MYO1D: variants seen among roughly 807,000 people sequenced by gnomAD.
The protein encoded by MYO1D is unconventional myosin-Id.
Under a neutral mutation model 122.0 loss-of-function variants are expected in MYO1D, and 83 were observed. The observed-to-expected ratio is 0.68, with a 90% CI of 0.57 to 0.82. The LOEUF (loss-of-function observed/expected upper bound fraction) is 0.82, where lower values mean the gene tolerates loss of function less well. Ranked by LOEUF, MYO1D falls within the 40% of genes least tolerant of loss-of-function variation. MYO1D has a pLI of 0.00. For missense variants in MYO1D, 1,157 were observed against 1,269.5 expected (o/e 0.91, Z 1.35); for synonymous variants, 464 against 446.9 (o/e 1.04, Z -0.48).
At chr17:32,822,546 CGGCT>C (rs2090679021) in intron 1 of MYO1D, among the ~76,000 whole-genome samples, 1 of 146,328 alleles carries the variant, frequency 6.8e-6, no homozygotes, top group Non-Finnish European at 1.5e-5. Context: ...ACTGCCGGGG[CGGCT>C]CGGGACGGGG....
At chr17:32,851,906 C>A (rs145266345) in intron 1 of MYO1D, among the ~76,000 whole-genome samples, 1 of 152,326 alleles carries the variant, frequency 6.6e-6, no homozygotes. Context: ...AACAGACCAC[C>A]GTACCGGTCA....
At chr17:32,829,815 T>C (rs1409231756) in intron 1 of MYO1D, among the ~76,000 whole-genome samples, 1 of 152,164 alleles carries the variant, frequency 6.6e-6, no homozygotes, top group South Asian at 2.1e-4. Context: ...GTACATGCCT[T>C]GTGGGATTTT....
chr17:32,760,173 G>T (rs2089984790), intron 10 of MYO1D, 117 bp downstream of exon 10: 1 of 901,678 alleles, frequency 1.1e-6, no homozygotes, highest in Non-Finnish European at 1.8e-6. Flanking sequence ...AAAAAGGAAA[G>T]CTAAGGTTCA....
intron 14 of MYO1D, among the ~76,000 whole-genome samples, chr17:32,737,362 C>CTT (rs59432486): frequency 1.4e-5 from 2 of 142,128 alleles, no homozygotes; most frequent in African/African-American, 2.6e-5. Flanking sequence ...AATAATACAA[C>CTT]TTTTTTTTTT....
At chr17:32,571,128 T>C (rs2087222895) in intron 21 of MYO1D, among the ~76,000 whole-genome samples, 1 of 152,092 alleles carries the variant, frequency 6.6e-6, no homozygotes, top group Admixed American at 6.6e-5. Context: ...AGGGTGTTTC[T>C]ACCACTGGTG....
At chr17:32,594,231 T>C (rs2087467617) in intron 21 of MYO1D, 1 of 236,738 alleles carries the variant, frequency 4.2e-6, no homozygotes, top group Admixed American at 5.6e-5. Flanking sequence ...TTTTATTGAA[T>C]ATAAGATGCC....
intron 1 of MYO1D, among the ~76,000 whole-genome samples, chr17:32,822,401 C>T (rs2090674804): frequency 6.6e-6 from 1 of 151,308 alleles, no homozygotes; most frequent in Non-Finnish European, 1.5e-5. Flanking sequence ...GGAGGGATAA[C>T]GCGTCCAGCG....
chr17:32,527,119 A>C (rs533369002), intron 21 of MYO1D, among the ~76,000 whole-genome samples: 1 of 152,264 alleles, frequency 6.6e-6, no homozygotes, highest in South Asian at 2.1e-4. Flanking sequence ...GCCCGCCATC[A>C]CCAGTGAAGG....
intron 21 of MYO1D, among the ~76,000 whole-genome samples, chr17:32,603,211 G>A (rs1285151843): frequency 6.6e-6 from 1 of 152,108 alleles, no homozygotes; most frequent in East Asian, 1.9e-4. Context: ...GCATGCATAT[G>A]CTAGCTAGGA....
At chr17:32,839,203 T>C (rs988201698) in intron 1 of MYO1D, among the ~76,000 whole-genome samples, 3 of 152,144 alleles carry the variant, frequency 2.0e-5, no homozygotes, top group Admixed American at 6.5e-5. Context: ...GCCAAGAAGG[T>C]AGACTAAGCT....
intron 16 of MYO1D, among the ~76,000 whole-genome samples, chr17:32,678,859 C>G (rs1235998812): frequency 2.3e-4 from 34 of 150,972 alleles, no homozygotes; most frequent in African/African-American, 7.4e-4. Flanking sequence ...GGTTGAACTA[C>G]TTTACAGTCC....
chr17:32,839,075 G>GT (rs1289590065), intron 1 of MYO1D, among the ~76,000 whole-genome samples: 1 of 152,076 alleles, frequency 6.6e-6, no homozygotes, highest in Non-Finnish European at 1.5e-5. Flanking sequence ...AACATAAGTT[G>GT]TTAGCAAAAC....
chr17:32,590,249 TC>T (rs1020057669), intron 21 of MYO1D, among the ~76,000 whole-genome samples: 1 of 152,166 alleles, frequency 6.6e-6, no homozygotes, highest in African/African-American at 2.4e-5. Context: ...ATGTACCAGC[TC>T]CACCAAGTTT....
At chr17:32,690,185 CTT>C (rs1202005031) in intron 16 of MYO1D, among the ~76,000 whole-genome samples, 19 of 141,076 alleles carry the variant, frequency 1.3e-4, no homozygotes, top group Admixed American at 2.1e-4. Context: ...GAGTGTTTAT[CTT>C]TTTTTTTTTT....
intron 1 of MYO1D, among the ~76,000 whole-genome samples, chr17:32,804,854 A>G (rs188040040): frequency 1.5e-4 from 23 of 152,252 alleles, no homozygotes; most frequent in Admixed American, 2.6e-4. Flanking sequence ...TTATTCAATA[A>G]AGTATAGAGC....
intron 20 of MYO1D, among the ~76,000 whole-genome samples, chr17:32,613,267 A>G (rs1481146928): frequency 6.6e-6 from 1 of 152,196 alleles, no homozygotes; most frequent in Non-Finnish European, 1.5e-5. Flanking sequence ...CAATATGGAA[A>G]AAGAGAAAAA....
intron 1 of MYO1D, chr17:32,863,079 G>A (rs899241316): frequency 2.0e-5 from 3 of 152,212 alleles, no homozygotes; most frequent in Non-Finnish European, 2.9e-5. Flanking sequence ...AGATAAAATA[G>A]GAACCTGAGA....
At chr17:32,853,504 T>C (rs1441219077) in intron 1 of MYO1D, among the ~76,000 whole-genome samples, 1 of 152,344 alleles carries the variant, frequency 6.6e-6, no homozygotes, top group African/African-American at 2.4e-5. Flanking sequence ...CCAGAAATAG[T>C]TGGATGCATC....
At chr17:32,621,104 G>A (rs321152) in intron 20 of MYO1D, among the ~76,000 whole-genome samples, 88,238 of 151,886 alleles carry the variant, frequency 0.58, 26,407 homozygotes, top group African/African-American at 0.71. Flanking sequence ...CCTTGGGGAC[G>A]TTGAATAAGC....
Sources: gnomAD v4.1 joint callset for allele counts (sites outside exome capture counted in the v4.1 genomes callset) on GRCh38, gnomAD v4.1.1 for gene constraint, MANE v1.5 for transcripts, NCBI Gene and HGNC (gene_info 2026-07-23, HGNC 2026-07-21) for gene names.